Variants in ADAMTSL1 observed in about 807,000 individuals in gnomAD.
ADAMTSL1 encodes ADAMTS-like protein 1.
Under a neutral mutation model 201.8 loss-of-function variants are expected in ADAMTSL1, and 126 were observed. The observed-to-expected ratio is 0.62, with a 90% confidence interval of 0.54 to 0.72. The LOEUF (loss-of-function observed/expected upper bound fraction) is 0.72. Ranked by LOEUF, ADAMTSL1 falls within the 30% of genes least tolerant of loss-of-function variation. The pLI, the probability that ADAMTSL1 is intolerant of heterozygous loss-of-function variation, is 0.00. For synonymous variants in ADAMTSL1, 1,121 were observed against 903.4 expected (o/e 1.24, Z -4.32); for missense variants, 2,679 against 2,277.8 (o/e 1.18, Z -3.59).
At chr9:18,528,946 A>G (rs562445782) in intron 2 of ADAMTSL1, among the ~76,000 whole-genome samples, 31 of 152,288 alleles carry the variant, frequency 2.0e-4, no homozygotes, top group Non-Finnish European at 3.5e-4. Flanking sequence ...TGTGAAAGAA[A>G]TCACTCAGCT....
intron 1 of ADAMTSL1, among the ~76,000 whole-genome samples, chr9:18,049,135 A>G (rs1205705213): frequency 6.6e-6 from 1 of 152,114 alleles, no homozygotes; most frequent in Non-Finnish European, 1.5e-5. Flanking sequence ...TTTATGGAAG[A>G]TTCAGGATGA....
intron 2 of ADAMTSL1, among the ~76,000 whole-genome samples, chr9:18,315,449 G>A (rs1043628667): frequency 6.6e-6 from 1 of 152,010 alleles, no homozygotes; most frequent in Non-Finnish European, 1.5e-5. Context: ...GAGGGGGGTG[G>A]TTCGGGCATT....
chr9:18,254,370 TTTTTTTTTTTG>T, intron 2 of ADAMTSL1, among the ~76,000 whole-genome samples: 1 of 118,064 alleles, frequency 8.5e-6, no homozygotes, highest in East Asian at 2.5e-4. Context: ...TTTTTTTTTT[TTTTTTTTTTTG>T]AGATGGAATC....
intron 23 of ADAMTSL1, among the ~76,000 whole-genome samples, chr9:18,833,637 C>T (rs1825135403): frequency 6.6e-6 from 1 of 152,146 alleles, no homozygotes; most frequent in African/African-American, 2.4e-5. Context: ...TTCTCCCATT[C>T]TGTAGGTTGT....
chr9:18,508,013 G>A (rs7025447), intron 2 of ADAMTSL1, among the ~76,000 whole-genome samples: 1 of 151,700 alleles, frequency 6.6e-6, no homozygotes, highest in East Asian at 1.9e-4. Flanking sequence ...GGACAAACCC[G>A]ATTTCTACTA....
At chr9:18,470,927 G>C (rs938153000), upstream of ADAMTSL1, among the ~76,000 whole-genome samples, 3 of 152,200 alleles carry the variant, frequency 2.0e-5, no homozygotes, top group African/African-American at 7.2e-5. Flanking sequence ...GCTTCTGCTA[G>C]TGCTGCTGCT....
chr9:18,884,743 C>G (rs912118455), intron 23 of ADAMTSL1, among the ~76,000 whole-genome samples: 3 of 152,048 alleles, frequency 2.0e-5, no homozygotes, highest in Non-Finnish European at 4.4e-5. Flanking sequence ...CTATTCTGTT[C>G]TTTTGTTCTC....
intron 5 of ADAMTSL1, among the ~76,000 whole-genome samples, chr9:18,623,485 G>C (rs1024245247): frequency 1.3e-5 from 2 of 152,002 alleles, no homozygotes; most frequent in Admixed American, 1.3e-4. Flanking sequence ...CTCTGGACTG[G>C]TCACAGCCCC....
Position 18,018,290 on chromosome 9 carries a change from C to G in ADAMTSL1, c.87+111368C>G, listed in dbSNP as rs1207283065. Among the ~76,000 whole-genome samples the G allele has an allele frequency of 3.3e-5, 5 of 152,140 alleles. No individual in the cohort carries two copies. In the South Asian group the frequency reaches 6.2e-4, roughly 19 times the overall value. On this transcript the variant is annotated intron_variant, in intron 1 of 29. Transcript: ENST00000680146. ...TGTTTTAAGCATTTTTTATGTTTAACTCTGTTAATCTTCATACAGACTCTG... is the reference window on the plus strand; with the variant it reads ...TGTTTTAAGCATTTTTTATGTTTAAGTCTGTTAATCTTCATACAGACTCTG...
intron 1 of ADAMTSL1, among the ~76,000 whole-genome samples, chr9:18,137,717 C>T (rs187535835): frequency 8.5e-5 from 13 of 152,234 alleles, no homozygotes; most frequent in Admixed American, 8.5e-4. Context: ...TGATGGAATG[C>T]CTACAGTTGT....
intron 12 of ADAMTSL1, among the ~76,000 whole-genome samples, chr9:18,683,922 A>G (rs1830671757): frequency 6.6e-6 from 1 of 152,216 alleles, no homozygotes; most frequent in South Asian, 2.1e-4. Flanking sequence ...ATGTTATAAA[A>G]TGGTGATAGA....
rs1442699199 is a variant in ADAMTSL1 at position 18,909,650 on chromosome 9, G to C, written c.*1102G>C. 1 of 136,470 alleles carries C rather than the reference G, an allele frequency of 7.3e-6. No homozygotes were observed. The highest frequency in any genetic ancestry group is 1.6e-5 in the Non-Finnish European group (1 of 62,494). 8.5% of individuals were successfully genotyped at this position (136,470 alleles called of 1,614,324 possible). On this transcript the variant is annotated 3_prime_UTR_variant, in exon 29 of 29. Transcript: ENST00000380548. Reference sequence around the variant, plus strand: ...CATCAACCCATTAACTAGTCACTGTGCCAGAGAGTATCTGTCAGGCTGTCA... The same window carrying C: ...CATCAACCCATTAACTAGTCACTGTCCCAGAGAGTATCTGTCAGGCTGTCA...
intron 20 of ADAMTSL1, among the ~76,000 whole-genome samples, chr9:18,800,368 A>G (rs1282210537): frequency 7.9e-6 from 1 of 126,936 alleles, no homozygotes; most frequent in Non-Finnish European, 1.6e-5. Flanking sequence ...CAAGAGGAAA[A>G]CTCCATCTCA....
chr9:18,180,742 A>G (rs1180497790), intron 2 of ADAMTSL1, among the ~76,000 whole-genome samples: 1 of 152,162 alleles, frequency 6.6e-6, no homozygotes, highest in Non-Finnish European at 1.5e-5. Flanking sequence ...TGCCATCCCC[A>G]TCAAGCTACC....
At chr9:17,958,146 C>G (rs566581910) in intron 1 of ADAMTSL1, among the ~76,000 whole-genome samples, 1 of 152,010 alleles carries the variant, frequency 6.6e-6, no homozygotes, top group South Asian at 2.1e-4. Context: ...ATCATTTTAC[C>G]TCTTTCCATT....
At chr9:18,885,376 G>A (rs1325053177) in intron 23 of ADAMTSL1, among the ~76,000 whole-genome samples, 1 of 152,190 alleles carries the variant, frequency 6.6e-6, no homozygotes, top group African/African-American at 2.4e-5. Context: ...GAGTTTTGGA[G>A]GAGACAAATA....
At chr9:18,597,302 G>A (rs1177109110) in intron 4 of ADAMTSL1, among the ~76,000 whole-genome samples, 1 of 152,126 alleles carries the variant, frequency 6.6e-6, no homozygotes, top group Non-Finnish European at 1.5e-5. Context: ...TGTATTCTAG[G>A]CTAGGAGTAA....
chr9:18,532,068 A>G lies in ADAMTSL1; in HGVS notation c.192-1179A>G, dbSNP rs113562650. ...ACCTGGAATTCTAAAACTACTAGGT[A>G]TTAGTATAATCATTCTCACAGGATT... On this transcript the variant is annotated intron_variant, in intron 2 of 28. Transcript: ENST00000380548. Among the ~76,000 whole-genome samples, 153 of 152,332 alleles carry G rather than the reference A, an allele frequency of 1.0e-3. 1 individual carries two copies. Among genetic ancestry groups the G allele is most frequent in the Middle Eastern group, 3.4e-3 (1 of 294 alleles).
At chr9:18,725,150 C>G (rs998210403) in intron 15 of ADAMTSL1, among the ~76,000 whole-genome samples, 16 of 152,038 alleles carry the variant, frequency 1.1e-4, no homozygotes, top group African/African-American at 3.9e-4. Context: ...TCGTGATCTG[C>G]CCACCTCGGC....
Sources: allele counts gnomAD v4.1 joint callset (sites outside exome capture counted in the v4.1 genomes callset), GRCh38; gene constraint gnomAD v4.1.1; transcripts MANE v1.5; gene names NCBI Gene and HGNC (gene_info 2026-07-23, HGNC 2026-07-21).